The following NSD1 variants were observed in gnomAD, a reference collection of about 807,000 sequenced individuals.
The protein encoded by NSD1 is histone-lysine N-methyltransferase, H3 lysine-36 specific.
Under a neutral mutation model 242.7 loss-of-function variants are expected in NSD1, and 26 were observed. That is an observed-to-expected ratio of 0.11 (90% confidence interval 0.08 to 0.15). The LOEUF is 0.15. NSD1 is among the 10% of genes least tolerant of loss of function. The probability of loss-of-function intolerance (pLI) is 1.00; values close to 1 mark genes in which losing one functional copy is unlikely to be tolerated. For synonymous variants in NSD1, 1,106 were observed against 1,178.1 expected (o/e 0.94, Z 1.25); for missense variants, 2,495 against 3,272.8 (o/e 0.76, Z 5.80).
At chr5:177,207,407 C>A (rs909189751) in intron 4 of NSD1, among the ~76,000 whole-genome samples, 1 of 151,522 alleles carries the variant, frequency 6.6e-6, no homozygotes, top group Non-Finnish European at 1.5e-5. Context: ...CTCAGCCTCC[C>A]GAGTAGCTGG....
intron 14 of NSD1, among the ~76,000 whole-genome samples, chr5:177,264,018 CAATG>C (rs1007205283): frequency 3.5e-5 from 4 of 112,782 alleles, no homozygotes; most frequent in South Asian, 2.7e-4. Flanking sequence ...GCATATGACT[CAATG>C]AACCAATTTT....
At chr5:177,237,172 G>A (rs890078310) in intron 6 of NSD1, among the ~76,000 whole-genome samples, 1 of 152,068 alleles carries the variant, frequency 6.6e-6, no homozygotes. Context: ...AACCCCAGTT[G>A]AAGATCTTTA....
At chr5:177,149,231 T>G (rs1581130964) in intron 2 of NSD1, among the ~76,000 whole-genome samples, 1 of 152,042 alleles carries the variant, frequency 6.6e-6, no homozygotes, top group East Asian at 1.9e-4. Flanking sequence ...TTTGTTTTTT[T>G]TTTTGAGACG....
At chr5:177,263,334 C>CAAAGACTGGAGTTTAGT (rs1192148956) in intron 14 of NSD1, among the ~76,000 whole-genome samples, 49 of 152,266 alleles carry the variant, frequency 3.2e-4, no homozygotes, top group African/African-American at 1.1e-3. Flanking sequence ...TTTCTGTAGC[C>CAAAGACTGGAGTTTAGT]AAAGACTGGA....
At chr5:177,140,997 C>T (rs1756763036) in intron 2 of NSD1, among the ~76,000 whole-genome samples, 1 of 152,048 alleles carries the variant, frequency 6.6e-6, no homozygotes, top group Non-Finnish European at 1.5e-5. Flanking sequence ...CTCCGATTCC[C>T]TCCTGGCTGG....
intron 2 of NSD1, 38 bp downstream of exon 2, chr5:177,136,068 A>AT (rs764431005): frequency 6.5e-7 from 1 of 1,529,356 alleles, no homozygotes. Context: ...ATATACATAT[A>AT]TGTATATATA....
intron 12 of NSD1, among the ~76,000 whole-genome samples, chr5:177,252,774 G>A (rs1162429255): frequency 6.8e-6 from 1 of 148,030 alleles, no homozygotes; most frequent in Admixed American, 6.7e-5. Context: ...AGGCTGGAAA[G>A]TGTTCTCTCG....
chr5:177,271,574 A>C (rs548539807), intron 16 of NSD1, among the ~76,000 whole-genome samples: 1 of 152,340 alleles, frequency 6.6e-6, no homozygotes, highest in African/African-American at 2.4e-5. Context: ...AGGACTTAAA[A>C]TGTGATACAT....
At chr5:177,246,611 A>T in intron 9 of NSD1, 67 bp from the exon 10 acceptor site, 1 of 1,075,876 alleles carries the variant, frequency 9.3e-7, no homozygotes, top group Admixed American at 1.7e-5. Flanking sequence ...TTATTCTAAT[A>T]ATAGGATAAG....
At chr5:177,250,803 G>A (rs1215836252) in intron 11 of NSD1, among the ~76,000 whole-genome samples, 1 of 152,088 alleles carries the variant, frequency 6.6e-6, no homozygotes, top group Non-Finnish European at 1.5e-5. Context: ...TGATTCTTAA[G>A]TGATCAAGAC....
chr5:177,257,821 T>A (rs181477467), intron 13 of NSD1, among the ~76,000 whole-genome samples: 2,193 of 145,070 alleles, frequency 0.015, 41 homozygotes, highest in African/African-American at 0.052. Flanking sequence ...GCTTTTTTTT[T>A]ATTTTATTTT....
intron 5 of NSD1, among the ~76,000 whole-genome samples, chr5:177,231,018 G>A (rs996435113): frequency 1.3e-5 from 2 of 152,120 alleles, no homozygotes; most frequent in African/African-American, 4.8e-5. Context: ...AGTTTTGAGA[G>A]ACTTTGGGAT....
At position 177,244,265 on chromosome 5, in the gene NSD1, G is replaced by A. The variant is rs758107497; in HGVS notation, c.4373G>A (p.Gly1458Asp). 4 of 1,610,648 alleles carry A rather than the reference G, an allele frequency of 2.5e-6. No individual in the cohort carries two copies. The South Asian group carries it at 4.4e-5, about 18-fold the overall frequency. Residue 1458 changes from glycine to aspartate, a missense_variant, in exon 9 of 23, where the codon GGT (glycine) becomes GAT (aspartate). Around this residue, in one of 19 missense-constraint regions of NSD1, gnomAD observed 97 missense variants for 97.7 expected, o/e 0.99. Coordinates refer to ENST00000439151, the MANE Select transcript of NSD1 (RefSeq NM_022455.5). The stretch of plus-strand genomic sequence containing the variant: ...GCCACATCTTATTCAAAAGATTTTG[G>A]TGGAGGTGAGTATTTTTGAGATTTA... ...SCATSYSKDF[G>D]GGTTKIFDKP...
In NSD1 at chr5:177,246,811, C is replaced by T. The variant is rs766744365; in HGVS notation, c.4497+15C>T. The T allele has an allele frequency of 6.4e-7, 1 of 1,561,684 alleles. No individual in the cohort carries two copies. The highest frequency in any genetic ancestry group is 2.2e-5 in the East Asian group (1 of 44,602). On this transcript the variant is annotated intron_variant, in intron 10 of 22. Transcript: ENST00000439151. ...CAGGCTCAGAGGTATTACTCAGTTC[C>T]TGATCTTTTCACCTTCTAAAGAGAA... is the stretch of plus-strand genomic sequence containing the variant.
intron 13 of NSD1, among the ~76,000 whole-genome samples, 193 bp from the exon 14 acceptor site, chr5:177,259,796 T>C (rs1756842043): frequency 6.6e-6 from 1 of 152,204 alleles, no homozygotes; most frequent in Non-Finnish European, 1.5e-5. Flanking sequence ...TTGATTCCTT[T>C]TGGAGACTTA....
chr5:177,171,883 G>A (rs1164099545), intron 2 of NSD1, among the ~76,000 whole-genome samples: 1 of 152,052 alleles, frequency 6.6e-6, no homozygotes, highest in Non-Finnish European at 1.5e-5. Context: ...TCACCTTTTC[G>A]ACAATGTAAA....
chr5:177,147,093 T>G (rs531327137), intron 2 of NSD1, among the ~76,000 whole-genome samples: 5 of 152,182 alleles, frequency 3.3e-5, no homozygotes, highest in East Asian at 3.9e-4. Flanking sequence ...ATCCATCGTC[T>G]TCTTGGCAAC....
At chr5:177,188,823 G>A (rs1452249404) in intron 2 of NSD1, among the ~76,000 whole-genome samples, 2 of 151,860 alleles carry the variant, frequency 1.3e-5, no homozygotes, top group Non-Finnish European at 2.9e-5. Flanking sequence ...ATCTCTTGGT[G>A]GATATTAACT....
At chr5:177,132,027 C>G (rs1348838601), upstream of NSD1, among the ~76,000 whole-genome samples, 1 of 152,212 alleles carries the variant, frequency 6.6e-6, no homozygotes, top group Non-Finnish European at 1.5e-5. This position sits in a 1 kb window ranked among gnomAD's most constrained non-coding sequence, Gnocchi z 7.5. Flanking sequence ...TCAGGCCCAG[C>G]TTGGGCTCCC....
Sources: allele counts gnomAD v4.1 joint callset (sites outside exome capture counted in the v4.1 genomes callset), GRCh38; gene constraint gnomAD v4.1.1; regional missense constraint gnomAD v4.1.1; non-coding constraint Gnocchi (gnomAD v3.1); transcripts MANE v1.5; gene names NCBI Gene and HGNC (gene_info 2026-07-23, HGNC 2026-07-21).